The following RAB38 variants were observed in gnomAD, a reference collection of about 807,000 sequenced individuals.
RAB38 encodes the protein RAB38, member RAS oncogene family.
Under a neutral mutation model 18.4 loss-of-function variants are expected in RAB38, and 15 were observed. That is an observed-to-expected ratio of 0.82 (90% confidence interval 0.55 to 1.26). The LOEUF is 1.26. Among genes scored for constraint, RAB38 ranks in the 50% most tolerant of loss-of-function variants. The pLI, the probability that RAB38 is intolerant of heterozygous loss-of-function variation, is 0.00. For synonymous variants in RAB38, 101 were observed against 104.4 expected (o/e 0.97, Z 0.20); for missense variants, 294 against 267.4 (o/e 1.10, Z -0.69).
the RAB38 span, among the ~76,000 whole-genome samples, chr11:88,082,554 A>G: frequency 6.6e-6 from 1 of 151,868 alleles, no homozygotes; most frequent in Non-Finnish European, 1.5e-5. Flanking sequence ...CCCGCAATCT[A>G]TCCCATCTCA....
chr11:88,012,694 A>T, the RAB38 span, among the ~76,000 whole-genome samples: 1 of 152,110 alleles, frequency 6.6e-6, no homozygotes, highest in African/African-American at 2.4e-5. Flanking sequence ...TAAGCCTCTG[A>T]AAAGCTCCTT....
chr11:88,044,334 G>C, the RAB38 span, among the ~76,000 whole-genome samples: 2 of 151,966 alleles, frequency 1.3e-5, no homozygotes, highest in East Asian at 3.9e-4. Context: ...CACTTTCCTG[G>C]GGGGCAAGCA....
At position 88,132,301 on chromosome 11, in the gene RAB38, T is replaced by C. The variant is rs536158412; in HGVS notation, c.483+17374A>G. 4.1e-4 allele frequency among the ~76,000 whole-genome samples: 62 copies of C among 152,340 alleles called. 1 individual carries two copies. The highest frequency in any genetic ancestry group is 1.1e-3 in the African/African-American group (45 of 41,586). Reference sequence around the variant, plus strand: ...TGCTGAGGCTGGTGATCCAGGAAGTTGAGCCATTTATGACGTCCTTGAACT... The same window carrying C: ...TGCTGAGGCTGGTGATCCAGGAAGTCGAGCCATTTATGACGTCCTTGAACT... On this transcript the variant is annotated intron_variant, in intron 2 of 2. Transcript: ENST00000243662.
the RAB38 span, among the ~76,000 whole-genome samples, chr11:87,946,852 T>C: frequency 3.9e-5 from 6 of 152,312 alleles, no homozygotes; most frequent in South Asian, 4.1e-4. Flanking sequence ...TATAAACATA[T>C]GTGTGCATGT....
the RAB38 span, among the ~76,000 whole-genome samples, chr11:88,006,624 A>AT: frequency 1.2e-5 from 1 of 85,796 alleles, no homozygotes; most frequent in Admixed American, 1.4e-4. Flanking sequence ...ATATGTATAT[A>AT]TAATATATAT....
chr11:88,171,875 T>A (rs953992158), intron 1 of RAB38, among the ~76,000 whole-genome samples: 28 of 152,326 alleles, frequency 1.8e-4, no homozygotes, highest in South Asian at 1.0e-3. Context: ...CCTATTTTTT[T>A]AAAAACTCTA....
At chr11:87,842,878 A>G in the RAB38 span, among the ~76,000 whole-genome samples, 4 of 151,956 alleles carry the variant, frequency 2.6e-5, no homozygotes, top group African/African-American at 9.6e-5. Flanking sequence ...TTTGAGAAAC[A>G]AAAAACATTT....
At chr11:88,052,901 C>CAT in the RAB38 span, among the ~76,000 whole-genome samples, 1,094 of 21,136 alleles carry the variant, frequency 0.052, 8 homozygotes, top group Middle Eastern at 0.11. Flanking sequence ...GAAAAAATTT[C>CAT]ATATATATAT....
chr11:88,010,966 G>A, the RAB38 span, among the ~76,000 whole-genome samples: 1 of 152,092 alleles, frequency 6.6e-6, no homozygotes, highest in Non-Finnish European at 1.5e-5. Flanking sequence ...CCCAGAATCA[G>A]CTGTTAACCC....
At chr11:88,076,971 A>AGAAGG in the RAB38 span, among the ~76,000 whole-genome samples, 1 of 101,902 alleles carries the variant, frequency 9.8e-6, no homozygotes, top group Non-Finnish European at 1.9e-5. Flanking sequence ...AAAAAAAAAA[A>AGAAGG]AAAAGAAAGA....
chr11:88,149,255 C>G (rs35721635), intron 2 of RAB38, among the ~76,000 whole-genome samples: 5 of 152,280 alleles, frequency 3.3e-5, no homozygotes, highest in Non-Finnish European at 5.9e-5. Flanking sequence ...AAGCACAATT[C>G]CTGATGTACA....
the RAB38 span, chr11:87,816,109 G>A: frequency 6.6e-6 from 1 of 152,256 alleles, no homozygotes; most frequent in African/African-American, 2.4e-5. Flanking sequence ...CAATAAATGA[G>A]TAGTTGATCA....
the RAB38 span, among the ~76,000 whole-genome samples, chr11:87,971,860 G>A: frequency 1.3e-5 from 2 of 151,642 alleles, no homozygotes; most frequent in African/African-American, 2.4e-5. Flanking sequence ...GAATGTAGTA[G>A]ACAGAATGCA....
chr11:88,075,894 C>CAAAAAAAAAAAAAAAGAAAAA, the RAB38 span, among the ~76,000 whole-genome samples: 1 of 127,278 alleles, frequency 7.9e-6, no homozygotes. Flanking sequence ...AAAAAGAAAA[C>CAAAAAAAAAAAAAAAGAAAAA]AAAAAAAAAA....
chr11:87,851,304 A>T, the RAB38 span, among the ~76,000 whole-genome samples: 1 of 152,206 alleles, frequency 6.6e-6, no homozygotes, highest in African/African-American at 2.4e-5. Flanking sequence ...CAGTATCTTC[A>T]GCATGTGACA....
At chr11:88,046,336 A>G in the RAB38 span, among the ~76,000 whole-genome samples, 2 of 152,134 alleles carry the variant, frequency 1.3e-5, no homozygotes, top group East Asian at 1.9e-4. Flanking sequence ...CCCCTTATCA[A>G]CCAAATTGTT....
At chr11:88,061,628 C>T in the RAB38 span, 27 of 152,048 alleles carry the variant, frequency 1.8e-4, no homozygotes, top group African/African-American at 5.5e-4. Flanking sequence ...TTTTTAATAA[C>T]CTTTATTGTC....
the RAB38 span, among the ~76,000 whole-genome samples, chr11:87,977,664 T>C: frequency 1.7e-5 from 2 of 117,954 alleles, no homozygotes; most frequent in Non-Finnish European, 3.2e-5. Flanking sequence ...AGTATATAAC[T>C]ATATATTATG....
intron 2 of RAB38, among the ~76,000 whole-genome samples, chr11:88,134,376 G>C (rs1024621946): frequency 6.6e-6 from 1 of 152,050 alleles, no homozygotes; most frequent in African/African-American, 2.4e-5. Flanking sequence ...GAGTAGCGGG[G>C]ACTACCGGTG....
Sources: allele counts gnomAD v4.1 joint callset (sites outside exome capture counted in the v4.1 genomes callset), GRCh38; gene constraint gnomAD v4.1.1; transcripts MANE v1.5; gene names NCBI Gene and HGNC (gene_info 2026-07-23, HGNC 2026-07-21).